Variants in TUSC3 observed in about 807,000 individuals in gnomAD.
TUSC3 encodes the protein dolichyl-diphosphooligosaccharide--protein glycosyltransferase subunit TUSC3.
A neutral mutation model predicts 44.8 loss-of-function variants in TUSC3; 45 were observed. The ratio of observed to expected loss-of-function variants is 1.00; its 90% CI spans 0.79 to 1.29. The LOEUF is 1.29. Among genes scored for constraint, TUSC3 ranks in the 50% most tolerant of loss-of-function variants. TUSC3 has a pLI of 0.00. For missense variants in TUSC3, 519 were observed against 437.9 expected, an observed-to-expected ratio of 1.19 and a Z score of -1.65; for synonymous variants, 212 against 152.9, an observed-to-expected ratio of 1.39 and a Z score of -2.85.
At chr8:15,645,215 A>G (rs1033781664) in intron 2 of TUSC3, among the ~76,000 whole-genome samples, 2 of 152,132 alleles carry the variant, frequency 1.3e-5, no homozygotes, top group Admixed American at 6.5e-5. Flanking sequence ...CTTGTTTACT[A>G]TTTACACAAT....
At chr8:15,692,527 T>C (rs924861492) in intron 6 of TUSC3, among the ~76,000 whole-genome samples, 4 of 151,832 alleles carry the variant, frequency 2.6e-5, no homozygotes, top group Non-Finnish European at 2.9e-5. Flanking sequence ...TTTCAAAACT[T>C]ATTATTGGTC....
chr8:15,757,940 G>A, intron 10 of TUSC3, 85 bp downstream of exon 10: 3 of 1,490,428 alleles, frequency 2.0e-6, no homozygotes, highest in Non-Finnish European at 2.8e-6. Flanking sequence ...AAGACAAGTT[G>A]TAGTAAATTA....
chr8:15,712,352 A>T (rs1809890057), intron 6 of TUSC3, among the ~76,000 whole-genome samples: 1 of 152,004 alleles, frequency 6.6e-6, no homozygotes, highest in Non-Finnish European at 1.5e-5. Flanking sequence ...CTACCTGTTC[A>T]TTCCACTTAA....
chr8:15,616,789 G>A (rs975670658), intron 1 of TUSC3, among the ~76,000 whole-genome samples: 3 of 152,148 alleles, frequency 2.0e-5, no homozygotes, highest in African/African-American at 7.2e-5. Flanking sequence ...TGGCATCTCT[G>A]AGTTTTTGGG....
intron 1 of TUSC3, among the ~76,000 whole-genome samples, chr8:15,561,220 A>G (rs1180079370): frequency 7.2e-6 from 1 of 139,360 alleles, no homozygotes; most frequent in East Asian, 2.2e-4. Flanking sequence ...TTTCCTTCTA[A>G]CAGACAGGAC....
chr8:15,486,701 C>A (rs182005564), intron 2 of TUSC3, among the ~76,000 whole-genome samples: 49 of 152,256 alleles, frequency 3.2e-4, no homozygotes, highest in Admixed American at 7.8e-4. Context: ...CCTCCGCCTC[C>A]CAAAGTGCTG....
At chr8:15,507,182 G>T (rs1017921024) in intron 2 of TUSC3, among the ~76,000 whole-genome samples, 3 of 152,192 alleles carry the variant, frequency 2.0e-5, no homozygotes, top group African/African-American at 7.2e-5. Flanking sequence ...CCAAACTATA[G>T]AGGAACTTGG....
At chr8:15,849,157 T>G in the TUSC3 span, among the ~76,000 whole-genome samples, 1 of 152,170 alleles carries the variant, frequency 6.6e-6, no homozygotes, top group Non-Finnish European at 1.5e-5. Flanking sequence ...AACATTCCAT[T>G]TGGGGCATTT....
chr8:15,460,346 A>T (rs1022403561), intron 1 of TUSC3, among the ~76,000 whole-genome samples: 1 of 152,088 alleles, frequency 6.6e-6, no homozygotes, highest in East Asian at 1.9e-4. Context: ...TCTTTTGAGA[A>T]TTACCTATTC....
chr8:15,836,188 T>G, the TUSC3 span, among the ~76,000 whole-genome samples: 1 of 151,858 alleles, frequency 6.6e-6, no homozygotes, highest in Non-Finnish European at 1.5e-5. Context: ...AGTTTAAAAG[T>G]AACACAGCTG....
At chr8:15,589,734 C>T (rs994641) in intron 1 of TUSC3, among the ~76,000 whole-genome samples, 121,911 of 152,068 alleles carry the variant, frequency 0.8, 49,664 homozygotes, top group Non-Finnish European at 0.88. Context: ...TCATTTATAA[C>T]CATTATCATC....
At chr8:15,629,113 G>C (rs1022495761) in intron 2 of TUSC3, among the ~76,000 whole-genome samples, 1 of 152,124 alleles carries the variant, frequency 6.6e-6, no homozygotes, top group South Asian at 2.1e-4. Context: ...CATGATTTTC[G>C]ATGGTATAAA....
At chr8:15,698,504 T>C (rs561880635) in intron 6 of TUSC3, among the ~76,000 whole-genome samples, 7 of 152,308 alleles carry the variant, frequency 4.6e-5, no homozygotes, top group African/African-American at 1.4e-4. Flanking sequence ...CAGGAATGCT[T>C]TTCCCATTAT....
At chr8:15,432,960 A>G (rs368643552) in intron 1 of TUSC3, among the ~76,000 whole-genome samples, 7 of 152,128 alleles carry the variant, frequency 4.6e-5, no homozygotes, top group South Asian at 2.1e-4. Context: ...ATGCTTTGCT[A>G]TATTTCAAAA....
the TUSC3 span, among the ~76,000 whole-genome samples, chr8:15,819,353 C>T: frequency 3.3e-5 from 5 of 149,932 alleles, no homozygotes; most frequent in African/African-American, 4.9e-5. Flanking sequence ...ACTCTTCCAA[C>T]TCTGCCTACT....
chr8:15,801,140 G>T, the TUSC3 span, among the ~76,000 whole-genome samples: 1 of 152,118 alleles, frequency 6.6e-6, no homozygotes, highest in African/African-American at 2.4e-5. Context: ...CACCCACAAG[G>T]GTTGCTGGTT....
chr8:15,514,770 T>G (rs1438579170), intron 2 of TUSC3, among the ~76,000 whole-genome samples: 3 of 152,212 alleles, frequency 2.0e-5, no homozygotes, highest in Non-Finnish European at 4.4e-5. Flanking sequence ...TCATGAGCCC[T>G]TTGGAATTAG....
At chr8:15,621,754 T>C (rs1458205192) in intron 1 of TUSC3, among the ~76,000 whole-genome samples, 3 of 149,376 alleles carry the variant, frequency 2.0e-5, no homozygotes, top group Non-Finnish European at 3.0e-5. Flanking sequence ...GTTGATGCCC[T>C]TTGGTTGTGG....
chr8:15,424,787 G>A (rs975174809), intron 1 of TUSC3, among the ~76,000 whole-genome samples: 3 of 151,930 alleles, frequency 2.0e-5, no homozygotes, highest in Non-Finnish European at 4.4e-5. Context: ...GGCTGAGGGA[G>A]AAGAATCACT....
Sources: allele counts gnomAD v4.1 joint callset (sites outside exome capture counted in the v4.1 genomes callset), GRCh38; gene constraint gnomAD v4.1.1; transcripts MANE v1.5; gene names NCBI Gene and HGNC (gene_info 2026-07-23, HGNC 2026-07-21).